Variants in MAP3K13 observed in about 807,000 individuals in gnomAD.
MAP3K13 encodes the protein leucine zipper-bearing kinase.
A neutral mutation model predicts 104.0 loss-of-function variants in MAP3K13; 52 were observed. The ratio of observed to expected loss-of-function variants is 0.50; its 90% CI spans 0.40 to 0.63. The LOEUF (loss-of-function observed/expected upper bound fraction) is 0.63. MAP3K13 is among the 20% of genes least tolerant of loss of function. The pLI is 0.00. For synonymous variants in MAP3K13, 394 were observed against 442.2 expected (o/e 0.89, Z 1.37); for missense variants, 914 against 1,218.5 (o/e 0.75, Z 3.72).
chr3:185,444,998 T>A (rs1363087676), intron 4 of MAP3K13, among the ~76,000 whole-genome samples: 1 of 144,956 alleles, frequency 6.9e-6, no homozygotes, highest in Admixed American at 7.3e-5. Context: ...ATAATAAAAA[T>A]TTAAAAAAAC....
intron 2 of MAP3K13, among the ~76,000 whole-genome samples, chr3:185,290,164 T>A (rs1232058278): frequency 6.6e-6 from 1 of 152,178 alleles, no homozygotes; most frequent in Non-Finnish European, 1.5e-5. Flanking sequence ...AACAAACTTA[T>A]CTAATAGTTT....
intron 1 of MAP3K13, among the ~76,000 whole-genome samples, chr3:185,388,809 A>G (rs1201710334): frequency 1.3e-5 from 2 of 152,202 alleles, no homozygotes; most frequent in Non-Finnish European, 2.9e-5. Context: ...AGTAACCAAA[A>G]CAACATGGTA....
At chr3:185,345,832 C>T (rs1455602354) in intron 2 of MAP3K13, among the ~76,000 whole-genome samples, 2 of 152,016 alleles carry the variant, frequency 1.3e-5, no homozygotes, top group African/African-American at 4.8e-5. Context: ...GAAACCACCC[C>T]CTCCCATCCC....
chr3:185,295,007 C>T (rs1242725499), intron 2 of MAP3K13, among the ~76,000 whole-genome samples: 1 of 152,146 alleles, frequency 6.6e-6, no homozygotes, highest in Admixed American at 6.5e-5. Flanking sequence ...AATCTCATTG[C>T]TTTTAGACTG....
In MAP3K13 at chr3:185,447,771, TTTTA is replaced by T; in HGVS notation, c.852-14_852-11del. 6.3e-7 allele frequency: 1 copy of T among 1,580,300 alleles called. No individual in the cohort carries two copies. Among genetic ancestry groups the T allele is most frequent in the Non-Finnish European group, 8.6e-7 (1 of 1,165,300 alleles). On this transcript the variant is annotated splice_polypyrimidine_tract_variant and intron_variant, in intron 4 of 13. Transcript: ENST00000265026. ...AGTACTAATGATCCAGATGTTTTCTTTTTATTTCTTTTTAAAGTGTTTTAGTGAC... is the reference window on the plus strand; with the variant it reads ...AGTACTAATGATCCAGATGTTTTCTTTTTCTTTTTAAAGTGTTTTAGTGAC...
At chr3:185,313,804 C>T (rs1452429027) in intron 2 of MAP3K13, among the ~76,000 whole-genome samples, 1 of 152,134 alleles carries the variant, frequency 6.6e-6, no homozygotes, top group Non-Finnish European at 1.5e-5. Flanking sequence ...TCTTTGGACC[C>T]TTTGGTAACC....
intron 2 of MAP3K13, among the ~76,000 whole-genome samples, chr3:185,321,105 CACAT>C (rs1488816237): frequency 6.6e-6 from 1 of 150,632 alleles, no homozygotes; most frequent in African/African-American, 2.5e-5. Flanking sequence ...TGCGTGCACA[CACAT>C]ATGCGTGCAC....
At chr3:185,394,385 A>G (rs745668102) in intron 1 of MAP3K13, among the ~76,000 whole-genome samples, 3 of 152,232 alleles carry the variant, frequency 2.0e-5, no homozygotes, top group African/African-American at 4.8e-5. Context: ...ATTTTGACTT[A>G]ACTAAGTCGA....
intron 2 of MAP3K13, among the ~76,000 whole-genome samples, chr3:185,356,104 G>A (rs1014875787): frequency 3.4e-5 from 5 of 148,178 alleles, no homozygotes; most frequent in Non-Finnish European, 7.6e-5. Flanking sequence ...CTATTGAGAG[G>A]AAATACTGGG....
chr3:185,284,645 G>T (rs796402231), intron 1 of MAP3K13, among the ~76,000 whole-genome samples: 3 of 152,078 alleles, frequency 2.0e-5, no homozygotes, highest in Non-Finnish European at 4.4e-5. Context: ...AAGCCGGGAG[G>T]GGGAGGTTGC....
chr3:185,290,962 G>A (rs1720715295), intron 2 of MAP3K13, among the ~76,000 whole-genome samples: 1 of 152,168 alleles, frequency 6.6e-6, no homozygotes, highest in Admixed American at 6.5e-5. Flanking sequence ...AGGGACAGAG[G>A]CCTCTGATAA....
rs1008397761 is a variant in MAP3K13 at position 185,437,580 on chromosome 3, G to A, written c.609G>A (p.Thr203=). 6.8e-6 allele frequency: 11 copies of A among 1,613,516 alleles called. No individual in the cohort carries two copies. The highest frequency in any genetic ancestry group is 6.7e-5 in the Admixed American group (4 of 59,932). ...AIKKVREQNE[T]DIKHLRKLKH... The stretch of plus-strand genomic sequence containing the variant: ...AGAAAGTGAGAGAACAGAATGAGAC[G>A]GATATCAAGCATTTGAGGAAGTTGA... The change falls in exon 3 of 14, where the codon ACG becomes ACA. Residue 203 remains threonine, a synonymous_variant. Transcript: ENST00000265026.
At chr3:185,430,025 C>A (rs1302426275) in intron 2 of MAP3K13, among the ~76,000 whole-genome samples, 3 of 152,092 alleles carry the variant, frequency 2.0e-5, no homozygotes, top group South Asian at 4.1e-4. Context: ...CATGGTGATA[C>A]CCCGTCTCTA....
intron 2 of MAP3K13, among the ~76,000 whole-genome samples, chr3:185,314,067 C>G (rs1278650500): frequency 2.0e-5 from 3 of 152,222 alleles, no homozygotes; most frequent in Non-Finnish European, 4.4e-5. Context: ...TTTGCCCCTC[C>G]TCTGCACGCT....
intron 2 of MAP3K13, among the ~76,000 whole-genome samples, chr3:185,354,031 C>T (rs1472160387): frequency 6.6e-6 from 1 of 152,136 alleles, no homozygotes; most frequent in Non-Finnish European, 1.5e-5. Context: ...TGTGTAAGGA[C>T]AAGCCTTTAT....
intron 2 of MAP3K13, among the ~76,000 whole-genome samples, chr3:185,304,605 T>A (rs573471324): frequency 6.6e-6 from 1 of 152,154 alleles, no homozygotes; most frequent in South Asian, 2.1e-4. Context: ...TAATTTCAAG[T>A]CTCTTTTATC....
At position 185,488,217 on chromosome 3, in the gene MAP3K13, G is replaced by C. The variant is rs1718812776; in HGVS notation, c.*5761G>C. On this transcript the variant is annotated 3_prime_UTR_variant, in exon 14 of 14. Coordinates refer to ENST00000265026, the MANE Select transcript of MAP3K13 (RefSeq NM_004721.5). ...GACATTCTTTTCGAGACTTTGACTT[G>C]TACGGTCAGTATGAATTTAGTGCCT... The C allele has an allele frequency of 6.6e-6, 1 of 152,186 alleles. No individual in the cohort carries two copies. Among genetic ancestry groups the C allele is most frequent in the South Asian group, 2.1e-4 (1 of 4,830 alleles). 9.4% of individuals were successfully genotyped at this position (152,186 alleles called of 1,614,324 possible). A position where few individuals can be genotyped will look rare whatever the true frequency, so the allele number is the denominator to read the frequency against.
At chr3:185,312,768 A>T (rs1721538747) in intron 2 of MAP3K13, among the ~76,000 whole-genome samples, 1 of 152,212 alleles carries the variant, frequency 6.6e-6, no homozygotes, top group Admixed American at 6.5e-5. Context: ...AAAGTTCTCT[A>T]ATGAAAATGC....
chr3:185,394,256 G>A (rs1577503610), intron 1 of MAP3K13, among the ~76,000 whole-genome samples: 1 of 152,166 alleles, frequency 6.6e-6, no homozygotes, highest in African/African-American at 2.4e-5. Flanking sequence ...TGATTCACAG[G>A]TGTCAGTGAC....
Sources: allele counts gnomAD v4.1 joint callset (sites outside exome capture counted in the v4.1 genomes callset), GRCh38; gene constraint gnomAD v4.1.1; transcripts MANE v1.5; gene names NCBI Gene and HGNC (gene_info 2026-07-23, HGNC 2026-07-21).